KCNT2: variants seen among roughly 807,000 people sequenced by gnomAD.
The protein encoded by KCNT2 is potassium channel subfamily T member 2.
KCNT2 carries 67 observed loss-of-function variants against 153.8 expected under a neutral mutation model. That is an observed-to-expected ratio of 0.44 (90% CI 0.36 to 0.53). KCNT2 has a LOEUF of 0.53. Among genes scored for constraint, KCNT2 ranks in the 20% least tolerant of loss-of-function variants. The probability of loss-of-function intolerance (pLI) is 0.00; values close to 1 mark genes in which losing one functional copy is unlikely to be tolerated. For synonymous variants in KCNT2, 500 were observed against 458.8 expected (o/e 1.09, Z -1.15); for missense variants, 975 against 1,354.8 (o/e 0.72, Z 4.40).
chr1:196,435,512 T>G (rs1674578130), intron 8 of KCNT2, among the ~76,000 whole-genome samples: 1 of 151,590 alleles, frequency 6.6e-6, no homozygotes, highest in Non-Finnish European at 1.5e-5. Context: ...GATTGCATAT[T>G]CCAATATAAG....
At chr1:196,596,606 G>T (rs545385504) in intron 1 of KCNT2, among the ~76,000 whole-genome samples, 1 of 152,208 alleles carries the variant, frequency 6.6e-6, no homozygotes, top group African/African-American at 2.4e-5. Context: ...TTCCCTCCAT[G>T]ATTGGTTAAA....
At chr1:196,404,199 T>G (rs1013631761) in intron 12 of KCNT2, 2 of 907,450 alleles carry the variant, frequency 2.2e-6, no homozygotes, top group Non-Finnish European at 2.6e-6. Flanking sequence ...AGCTTCCACT[T>G]TTCTCCAGCA....
chr1:196,397,037 G>C (rs931912675), intron 13 of KCNT2, among the ~76,000 whole-genome samples: 2 of 151,352 alleles, frequency 1.3e-5, no homozygotes, highest in African/African-American at 4.8e-5. Context: ...ATATGTTTCA[G>C]ACATTATTTA....
intron 12 of KCNT2, among the ~76,000 whole-genome samples, chr1:196,407,848 A>AT (rs35602884): frequency 0.28 from 41,499 of 148,824 alleles, 6,022 homozygotes; most frequent in East Asian, 0.34. Context: ...AATAAAAACA[A>AT]TTTTTTTTTT....
At chr1:196,268,979 A>T (rs1457402339) in intron 25 of KCNT2, among the ~76,000 whole-genome samples, 1 of 152,066 alleles carries the variant, frequency 6.6e-6, no homozygotes. Context: ...TAGGTAAAAA[A>T]TAATAATAAT....
chr1:196,381,215 A>G (rs1368760035), intron 13 of KCNT2, among the ~76,000 whole-genome samples: 1 of 152,138 alleles, frequency 6.6e-6, no homozygotes, highest in Non-Finnish European at 1.5e-5. Context: ...AAATACTCAA[A>G]AGGGGGCTCA....
intron 14 of KCNT2, among the ~76,000 whole-genome samples, chr1:196,348,642 A>T (rs1420388827): frequency 6.6e-6 from 1 of 152,162 alleles, no homozygotes; most frequent in Non-Finnish European, 1.5e-5. Flanking sequence ...CGGATTTTAA[A>T]AAAAGTTAAA....
chr1:196,488,281 C>G (rs1166959153), intron 3 of KCNT2, among the ~76,000 whole-genome samples: 1 of 151,944 alleles, frequency 6.6e-6, no homozygotes, highest in East Asian at 1.9e-4. Flanking sequence ...AGAGCCTGCA[C>G]CCATAAAGGC....
chr1:196,326,274 TAAC>T (rs887206405), intron 19 of KCNT2, among the ~76,000 whole-genome samples: 6 of 152,128 alleles, frequency 3.9e-5, no homozygotes, highest in African/African-American at 1.4e-4. Flanking sequence ...CCAGTCATAA[TAAC>T]CTCTGATGAT....
chr1:196,394,684 A>G (rs1405767659), intron 13 of KCNT2, among the ~76,000 whole-genome samples: 2 of 151,458 alleles, frequency 1.3e-5, no homozygotes, highest in East Asian at 3.9e-4. Flanking sequence ...TCTAAGAAAA[A>G]GATGAATAGA....
At chr1:196,243,345 C>T (rs915580225) in intron 26 of KCNT2, among the ~76,000 whole-genome samples, 4 of 152,088 alleles carry the variant, frequency 2.6e-5, no homozygotes, top group African/African-American at 9.7e-5. Context: ...AATTGAACAA[C>T]TATCCACACA....
chr1:196,236,380 G>T (rs1654438432), intron 26 of KCNT2, among the ~76,000 whole-genome samples: 1 of 151,458 alleles, frequency 6.6e-6, no homozygotes, highest in African/African-American at 2.4e-5. Context: ...GACTGGATAA[G>T]ATGTTTACTT....
At chr1:196,411,141 C>A (rs901495961) in intron 12 of KCNT2, among the ~76,000 whole-genome samples, 11 of 145,008 alleles carry the variant, frequency 7.6e-5, no homozygotes, top group Admixed American at 2.2e-4. Flanking sequence ...TTCCTACCTC[C>A]CTTCCTTCCT....
At chr1:196,461,247 T>C (rs76985527) in intron 8 of KCNT2, among the ~76,000 whole-genome samples, 1,613 of 151,804 alleles carry the variant, frequency 0.011, 13 homozygotes, top group Non-Finnish European at 0.017. Context: ...ACATTCCAAG[T>C]ACTTTTGAAT....
chr1:196,487,661 T>A (rs1177318967), intron 3 of KCNT2, among the ~76,000 whole-genome samples: 1 of 152,006 alleles, frequency 6.6e-6, no homozygotes, highest in African/African-American at 2.4e-5. Context: ...CTATTGATCA[T>A]CAAATATTTA....
intron 23 of KCNT2, among the ~76,000 whole-genome samples, chr1:196,282,794 T>C (rs1553271007): frequency 6.6e-6 from 1 of 152,246 alleles, no homozygotes; most frequent in Non-Finnish European, 1.5e-5. Context: ...TATCATTTAT[T>C]ATTGCATATT....
chr1:196,585,859 T>G (rs1444974524), intron 1 of KCNT2, among the ~76,000 whole-genome samples: 6 of 152,150 alleles, frequency 3.9e-5, no homozygotes, highest in Admixed American at 3.9e-4. Flanking sequence ...GTACTTTAGT[T>G]TTTATAGCCC....
chr1:196,511,953 C>A (rs557436647), intron 1 of KCNT2, among the ~76,000 whole-genome samples: 4 of 152,220 alleles, frequency 2.6e-5, no homozygotes, highest in African/African-American at 9.6e-5. Flanking sequence ...CACTTGTTAG[C>A]AACAGGTCTG....
At chr1:196,350,840 T>G (rs1201152907) in intron 14 of KCNT2, among the ~76,000 whole-genome samples, 2 of 152,182 alleles carry the variant, frequency 1.3e-5, no homozygotes, top group East Asian at 3.8e-4. Context: ...GTTTTAGGTC[T>G]AACGTTTAAG....
Sources: allele counts gnomAD v4.1 joint callset (sites outside exome capture counted in the v4.1 genomes callset), GRCh38; gene constraint gnomAD v4.1.1; transcripts MANE v1.5; gene names NCBI Gene and HGNC (gene_info 2026-07-23, HGNC 2026-07-21).